Variants in BRD9 observed in about 807,000 individuals in gnomAD.
BRD9 encodes the protein bromodomain containing 9.
In BRD9, 47 loss-of-function variants were observed where a neutral mutation model predicts 68.7. The ratio of observed to expected loss-of-function variants is 0.68; its 90% CI spans 0.54 to 0.87. BRD9 has a LOEUF of 0.87. BRD9 is among the 40% of genes least tolerant of loss of function. The pLI is 0.00. For missense variants in BRD9, 670 were observed against 748.4 expected (o/e 0.90, Z 1.22); for synonymous variants, 313 against 293.9 (o/e 1.06, Z -0.67).
At position 865,594 on chromosome 5, in the gene BRD9, G is replaced by T. The variant is rs753463923; in HGVS notation, c.1526-13C>A. 1.9e-6 allele frequency: 3 copies of T among 1,579,176 alleles called. No homozygotes were observed. In the East Asian group the frequency reaches 6.8e-5, roughly 36 times the overall value. On this transcript the variant is annotated splice_polypyrimidine_tract_variant and intron_variant, in intron 14 of 15. Transcript: ENST00000467963. ...TTCTTCACCTTCCCTGTGTAAACAG[G>T]ACATGACCCCACGTCGGCTGAGCTC...
Position 891,778 on chromosome 5 carries a change from T to C in BRD9, c.129A>G (p.Ser43=). 1 of 1,551,708 alleles carries C rather than the reference T, an allele frequency of 6.4e-7. No homozygotes were observed. The highest frequency in any genetic ancestry group is 8.7e-7 in the Non-Finnish European group (1 of 1,146,992). Residue 43 remains serine (S), a synonymous_variant, in exon 2 of 16, where the codon TCA becomes TCG. Coordinates refer to ENST00000467963, the MANE Select transcript of BRD9 (RefSeq NM_023924.5). ...KVGGSEVTEL[S]GSGHDSSYYD... Reference sequence around the variant, plus strand: ...AGTAACTGGAGTCGTGGCCGGATCCTGAGAGTTCAGTCACTTCACTTCCTC... The same window carrying C: ...AGTAACTGGAGTCGTGGCCGGATCCCGAGAGTTCAGTCACTTCACTTCCTC...
chr5:886,910 G>A (rs948790625), intron 6 of BRD9: 2 of 906,762 alleles, frequency 2.2e-6, no homozygotes, highest in Non-Finnish European at 3.2e-6. Context: ...GGAGGTGGTT[G>A]TGGGGGCTTG....
At chr5:872,123 G>A (rs1457106762) in intron 12 of BRD9, among the ~76,000 whole-genome samples, 1 of 152,244 alleles carries the variant, frequency 6.6e-6, no homozygotes, top group African/African-American at 2.4e-5. Context: ...GCCGTGCATT[G>A]TCTCCTTCCA....
intron 11 of BRD9, among the ~76,000 whole-genome samples, chr5:877,672 A>G (rs2150584074): frequency 2.0e-5 from 3 of 152,350 alleles, no homozygotes; most frequent in Middle Eastern, 6.8e-3. Context: ...TTTTAGTATT[A>G]TACTTTAGCC....
intron 1 of BRD9, 44 bp downstream of exon 1, chr5:892,562 C>T (rs1486908787): frequency 6.5e-7 from 1 of 1,531,046 alleles, no homozygotes; most frequent in South Asian, 1.2e-5. Flanking sequence ...TCCCCCGTGC[C>T]CGGGACCCCG....
At position 864,183 on chromosome 5, in the gene BRD9, GC is replaced by G; in HGVS notation, c.*284del. On this transcript the variant is annotated 3_prime_UTR_variant, in exon 16 of 16. Transcript: ENST00000467963. ...CTCTCTGCTGACACGATGGCCACAC[GC>G]CCTTCGTGTATGACTCCACTCCTCA... 1 of 245,950 alleles carries G rather than the reference GC, an allele frequency of 4.1e-6. No homozygotes were observed. Among genetic ancestry groups the G allele is most frequent in the Non-Finnish European group, 8.1e-6 (1 of 124,204 alleles). The allele number at this position is 245,950 out of a possible 1,614,324, so 15.2% of individuals were successfully genotyped here.
intron 12 of BRD9, among the ~76,000 whole-genome samples, chr5:872,662 G>A (rs949569146): frequency 6.3e-4 from 96 of 152,160 alleles, no homozygotes; most frequent in Admixed American, 1.4e-3. Flanking sequence ...GGGGACTCCC[G>A]CCTGGCTGCA....
At chr5:891,517 C>G in intron 2 of BRD9, 123 bp downstream of exon 2, 1 of 1,431,512 alleles carries the variant, frequency 7.0e-7, no homozygotes, top group Non-Finnish European at 9.2e-7. Context: ...TCGCGTTTTG[C>G]TACCAACGGA....
intron 5 of BRD9, 138 bp from the exon 6 acceptor site, chr5:887,609 C>T (rs1368265424): frequency 2.8e-6 from 2 of 706,200 alleles, no homozygotes; most frequent in Admixed American, 2.8e-5. Context: ...CTGATCTAAA[C>T]ATAACGTTTA....
chr5:871,645 GTAAAAA>G, intron 12 of BRD9, 81 bp from the exon 13 acceptor site: 2 of 1,325,728 alleles, frequency 1.5e-6, no homozygotes, highest in South Asian at 2.4e-5. Flanking sequence ...TTACACACAC[GTAAAAA>G]TGGCTTGTGC....
chr5:881,942 C>T (rs116588393), intron 8 of BRD9: 2,201 of 152,640 alleles, frequency 0.014, 25 homozygotes, highest in Non-Finnish European at 0.022. Flanking sequence ...AAGAAGTGGG[C>T]GGAACCCACG....
intron 13 of BRD9, 55 bp from the exon 14 acceptor site, chr5:870,630 T>C: frequency 2.4e-6 from 3 of 1,243,966 alleles, no homozygotes; most frequent in East Asian, 4.7e-5. Context: ...AAAAACGAAA[T>C]GTTACTTCAC....
chr5:892,308 T>C (rs1039219978), intron 1 of BRD9: 39 of 555,080 alleles, frequency 7.0e-5, no homozygotes, highest in Non-Finnish European at 1.1e-4. Context: ...GCCCAGCTTC[T>C]CCCTGAGCTC....
rs140412847 is a variant in BRD9 at position 883,129 on chromosome 5, CCACA to C, written c.966+805_966+808del. The C allele has an allele frequency of 4.6e-3, 1,658 of 362,086 alleles. 25 individuals carry two copies. Among genetic ancestry groups the C allele is most frequent in the African/African-American group, 0.031 (1,467 of 46,888 alleles). 22.4% of individuals were successfully genotyped at this position (362,086 alleles called of 1,614,324 possible). On this transcript the variant is annotated intron_variant, in intron 8 of 15. Transcript: ENST00000467963. Reference sequence around the variant, plus strand: ...AGACCGCAACCTCGCAACACGCAAGCCACACAGAGCACTGCAACTTCCCAGCAGG... The same window carrying C: ...AGACCGCAACCTCGCAACACGCAAGCCAGAGCACTGCAACTTCCCAGCAGG...
At chr5:872,186 G>GT (rs1428283132) in intron 12 of BRD9, among the ~76,000 whole-genome samples, 7 of 152,250 alleles carry the variant, frequency 4.6e-5, no homozygotes, top group Non-Finnish European at 8.8e-5. Context: ...GAGCGATGCT[G>GT]TAGTATATGC....
chr5:889,447 C>G, intron 4 of BRD9, 140 bp downstream of exon 4: 1 of 952,954 alleles, frequency 1.0e-6, no homozygotes, highest in South Asian at 1.7e-5. Context: ...TCCTACGCAC[C>G]CCGAAGTGGA....
At chr5:885,284 G>C (rs915398947) in intron 7 of BRD9, among the ~76,000 whole-genome samples, 1 of 152,218 alleles carries the variant, frequency 6.6e-6, no homozygotes, top group Admixed American at 6.5e-5. Flanking sequence ...CCGTTGCCAA[G>C]CAACACACTC....
intron 12 of BRD9, among the ~76,000 whole-genome samples, chr5:873,058 G>A (rs1484160479): frequency 2.6e-5 from 4 of 152,262 alleles, no homozygotes; most frequent in African/African-American, 9.6e-5. Flanking sequence ...CCAGCTACTC[G>A]GGAGGCTGAG....
intron 4 of BRD9, 138 bp downstream of exon 4, chr5:889,449 C>T (rs1333333300): frequency 2.0e-5 from 19 of 970,226 alleles, no homozygotes; most frequent in Admixed American, 1.1e-4. Context: ...CTACGCACCC[C>T]GAAGTGGACT....
Sources: allele counts gnomAD v4.1 joint callset (sites outside exome capture counted in the v4.1 genomes callset), GRCh38; gene constraint gnomAD v4.1.1; transcripts MANE v1.5; gene names NCBI Gene and HGNC (gene_info 2026-07-23, HGNC 2026-07-21).